Variants in NSRP1 observed in about 807,000 individuals in gnomAD.
NSRP1 encodes coiled-coil domain containing 55.
In NSRP1, 24 loss-of-function variants were observed where a neutral mutation model predicts 54.7. That is an observed-to-expected ratio of 0.44 (90% CI 0.32 to 0.62). The LOEUF (loss-of-function observed/expected upper bound fraction) is 0.62, where lower values mean the gene tolerates loss of function less well. Among genes scored for constraint, NSRP1 ranks in the 20% least tolerant of loss-of-function variants. NSRP1 has a pLI of 0.06. For synonymous variants in NSRP1, 210 were observed against 213.8 expected (o/e 0.98, Z 0.15); for missense variants, 596 against 651.2 (o/e 0.92, Z 0.92).
intron 2 of NSRP1, among the ~76,000 whole-genome samples, chr17:30,139,849 C>A (rs967913492): frequency 6.6e-6 from 1 of 152,060 alleles, no homozygotes; most frequent in African/African-American, 2.4e-5. Context: ...ACAGTGAAAC[C>A]CTGTCTCTAC....
intron 2 of NSRP1, among the ~76,000 whole-genome samples, chr17:30,149,834 C>CAAAAA (rs773066888): frequency 5.6e-4 from 55 of 98,682 alleles, no homozygotes; most frequent in African/African-American, 2.2e-3. Context: ...GACCCTGTCT[C>CAAAAA]AAAAAAAAAA....
chr17:30,143,508 G>GA (rs1005787591), intron 2 of NSRP1, among the ~76,000 whole-genome samples: 25 of 150,412 alleles, frequency 1.7e-4, no homozygotes, highest in African/African-American at 3.9e-4. Context: ...CTTGTCTCTT[G>GA]AAAAAAAAAT....
At chr17:30,172,496 A>G (rs772298761) in intron 2 of NSRP1, 46 bp from the exon 3 acceptor site, 2 of 1,518,616 alleles carry the variant, frequency 1.3e-6, no homozygotes, top group South Asian at 2.4e-5. Flanking sequence ...CTGGAAAAGA[A>G]ATTTTAAATT....
At chr17:30,165,424 G>T (rs149923988) in intron 2 of NSRP1, among the ~76,000 whole-genome samples, 20 of 152,278 alleles carry the variant, frequency 1.3e-4, no homozygotes, top group African/African-American at 4.6e-4. Flanking sequence ...CATTGGGAGA[G>T]GTTAGGTAAA....
At position 30,185,564 on chromosome 17, in the gene NSRP1, T is replaced by A; in HGVS notation, c.1567T>A (p.Phe523Ile). The A allele has an allele frequency of 6.2e-7, 1 of 1,614,036 alleles. No homozygotes were observed. Among genetic ancestry groups the A allele is most frequent in the Non-Finnish European group, 8.5e-7 (1 of 1,180,002 alleles). Residue 523 changes from phenylalanine (F) to isoleucine (I), a missense_variant, in exon 7 of 7, where the codon TTT becomes ATT. Transcript: ENST00000247026. ...GAGACCACCTGAGGCAGTGAGCAAG[T>A]TTGCAAAGCGGAACAATGAAGAAAC... ...QERPPEAVSK[F>I]AKRNNEETVM...
chr17:30,144,486 C>G lies in NSRP1; in HGVS notation c.114+26313C>G, dbSNP rs977277263. On this transcript the variant is annotated intron_variant, in intron 2 of 6. Coordinates refer to ENST00000247026, the MANE Select transcript of NSRP1 (RefSeq NM_032141.4). ...ATGTTGGTCAGGCTGGTCTCAAACT[C>G]CTGACCTCAGGTGATCTGCCCACCT... 6 of 152,164 alleles carry G rather than the reference C, an allele frequency of 3.9e-5. No homozygotes were observed. The East Asian group carries it at 9.6e-4, about 24-fold the overall frequency. 9.4% of individuals were successfully genotyped at this position (152,164 alleles called of 1,614,324 possible).
intron 2 of NSRP1, among the ~76,000 whole-genome samples, chr17:30,145,493 G>A (rs1286395717): frequency 6.6e-6 from 1 of 152,160 alleles, no homozygotes; most frequent in Non-Finnish European, 1.5e-5. Flanking sequence ...TGAGGCAGGA[G>A]AATCGCTTGA....
chr17:30,171,965 CACA>C lies in NSRP1; in HGVS notation c.115-576_115-574del, dbSNP rs1567804332. Among the ~76,000 whole-genome samples, 6 of 136,626 alleles carry C rather than the reference CACA, an allele frequency of 4.4e-5. No individual in the cohort carries two copies. In the East Asian group the frequency reaches 7.0e-4, roughly 16 times the overall value. 89.6% of individuals were successfully genotyped at this position (136,626 alleles called of 152,430 possible). A position where few individuals can be genotyped will look rare whatever the true frequency, so the allele number is the denominator to read the frequency against. On this transcript the variant is annotated intron_variant, in intron 2 of 6. Transcript: ENST00000247026. ...ACACACACACACACACACACACACACACACACACTCCCTCTCTCTCTCTCTCTC... is the reference window on the plus strand; with the variant it reads ...ACACACACACACACACACACACACACCACACTCCCTCTCTCTCTCTCTCTC...
At chr17:30,177,662 A>G (rs1401228059) in intron 3 of NSRP1, among the ~76,000 whole-genome samples, 3 of 152,232 alleles carry the variant, frequency 2.0e-5, no homozygotes, top group Non-Finnish European at 2.9e-5. Context: ...AGGTGTTTCC[A>G]TCGTACCTTT....
chr17:30,139,161 A>G (rs1354462193), intron 2 of NSRP1, among the ~76,000 whole-genome samples: 2 of 149,038 alleles, frequency 1.3e-5, no homozygotes, highest in African/African-American at 2.6e-5. Context: ...TCCTGATCCA[A>G]CCGCCTCAGC....
In NSRP1 at chr17:30,118,234, C is replaced by T. The variant is rs888762060; in HGVS notation, c.114+61C>T. On this transcript the variant is annotated intron_variant, in intron 2 of 6. Transcript: ENST00000247026. ...AAATGTAAATTTTTTAAAAATTGAA[C>T]TTGTGACTCTGATACCTTTGCCTTT... The T allele has an allele frequency of 4.7e-6, 6 of 1,267,112 alleles. No individual in the cohort carries two copies. The Admixed American group carries it at 5.2e-5, about 11-fold the overall frequency. The allele number at this position is 1,267,112 out of a possible 1,614,324, so 78.5% of individuals were successfully genotyped here. A position where few individuals can be genotyped will look rare whatever the true frequency, so the allele number is the denominator to read the frequency against.
intron 5 of NSRP1, among the ~76,000 whole-genome samples, chr17:30,180,571 A>T (rs142491187): frequency 1.3e-5 from 2 of 152,358 alleles, no homozygotes; most frequent in East Asian, 3.9e-4. Context: ...GTATTTTAGT[A>T]TTCATATTTT....
intron 2 of NSRP1, 28 bp downstream of exon 2, chr17:30,118,201 A>G (rs768742436): frequency 4.2e-5 from 65 of 1,554,152 alleles, no homozygotes; most frequent in Non-Finnish European, 5.3e-5. Flanking sequence ...TTACTCGTGC[A>G]TGGTTGGAAA....
chr17:30,160,713 T>C (rs1265654344), intron 2 of NSRP1, among the ~76,000 whole-genome samples: 2 of 152,230 alleles, frequency 1.3e-5, no homozygotes, highest in Non-Finnish European at 2.9e-5. Flanking sequence ...AATGGTTTTC[T>C]TGTTAAACAC....
chr17:30,121,274 A>G (rs1338104804), intron 2 of NSRP1, among the ~76,000 whole-genome samples: 1 of 152,152 alleles, frequency 6.6e-6, no homozygotes. Flanking sequence ...GGGAGAAATG[A>G]GAGATGAGTT....
At chr17:30,172,619 A>G in intron 3 of NSRP1, 21 bp downstream of exon 3, 1 of 1,594,390 alleles carries the variant, frequency 6.3e-7, no homozygotes, top group Non-Finnish European at 8.6e-7. Context: ...AGACTGGGAT[A>G]AGTGCATTCA....
intron 2 of NSRP1, among the ~76,000 whole-genome samples, chr17:30,148,366 G>T (rs1184380398): frequency 6.6e-6 from 1 of 152,172 alleles, no homozygotes; most frequent in African/African-American, 2.4e-5. Context: ...AGTGGGAAAG[G>T]CTTTGTTTAT....
intron 2 of NSRP1, among the ~76,000 whole-genome samples, chr17:30,142,685 C>T (rs958120512): frequency 6.6e-6 from 1 of 152,132 alleles, no homozygotes; most frequent in South Asian, 2.1e-4. Context: ...TAAGTGGTAG[C>T]TATATTGCTG....
intron 2 of NSRP1, among the ~76,000 whole-genome samples, chr17:30,148,833 T>C (rs1003563658): frequency 1.3e-5 from 2 of 152,240 alleles, no homozygotes; most frequent in Admixed American, 6.5e-5. Context: ...TTTAAATCTT[T>C]CATCTACTGT....
Sources: allele counts gnomAD v4.1 joint callset (sites outside exome capture counted in the v4.1 genomes callset), GRCh38; gene constraint gnomAD v4.1.1; transcripts MANE v1.5; gene names NCBI Gene and HGNC (gene_info 2026-07-23, HGNC 2026-07-21).